The following DNAH9 variants were observed in gnomAD, a reference collection of about 807,000 sequenced individuals.
DNAH9 encodes the protein dynein axonemal heavy chain 9.
A neutral mutation model predicts 471.6 loss-of-function variants in DNAH9; 345 were observed. The ratio of observed to expected loss-of-function variants is 0.73; its 90% CI spans 0.67 to 0.80. DNAH9 has a LOEUF of 0.80. Ranked by LOEUF, DNAH9 falls within the 30% of genes least tolerant of loss-of-function variation. The probability of loss-of-function intolerance (pLI) is 0.00; values close to 1 mark genes in which losing one functional copy is unlikely to be tolerated. For synonymous variants in DNAH9, 2,093 were observed against 2,123.6 expected (o/e 0.99, Z 0.40); for missense variants, 5,407 against 5,609.2 (o/e 0.96, Z 1.15).
At chr17:11,938,319 T>C (rs8076611) in intron 66 of DNAH9, among the ~76,000 whole-genome samples, 72,823 of 151,352 alleles carry the variant, frequency 0.48, 17,704 homozygotes, top group Middle Eastern at 0.57. Context: ...ATTAGCCGGG[T>C]GTGGTGGTGG....
intron 26 of DNAH9, among the ~76,000 whole-genome samples, chr17:11,708,930 G>A (rs1391252275): frequency 6.6e-6 from 1 of 152,114 alleles, no homozygotes; most frequent in African/African-American, 2.4e-5. Context: ...AATACTCCTT[G>A]AGTGAATGCA....
At chr17:11,709,677 C>T (rs1482095338) in intron 26 of DNAH9, among the ~76,000 whole-genome samples, 2 of 152,172 alleles carry the variant, frequency 1.3e-5, no homozygotes, top group Non-Finnish European at 2.9e-5. Flanking sequence ...TTCGGCACCA[C>T]ACTAAGTTGA....
At chr17:11,635,110 G>C (rs1567679448) in intron 8 of DNAH9, among the ~76,000 whole-genome samples, 2 of 151,956 alleles carry the variant, frequency 1.3e-5, no homozygotes, top group Non-Finnish European at 2.9e-5. Context: ...AAATATTTTA[G>C]ACTATGGGTA....
At chr17:11,819,249 T>C (rs754818456) in intron 45 of DNAH9, among the ~76,000 whole-genome samples, 37 of 152,194 alleles carry the variant, frequency 2.4e-4, no homozygotes, top group Non-Finnish European at 4.1e-4. Flanking sequence ...TATTTAGAAA[T>C]ATTGAGTTCA....
chr17:11,785,608 C>T (rs988831042), intron 41 of DNAH9, among the ~76,000 whole-genome samples: 3 of 152,108 alleles, frequency 2.0e-5, no homozygotes, highest in African/African-American at 7.2e-5. Context: ...AATCAATGAG[C>T]CCCTCAGAAT....
At position 11,653,156 on chromosome 17, in the gene DNAH9, G is replaced by A. The variant is rs3744576; in HGVS notation, c.2595+154G>A. ...AGGCTGATAGCAAAAGACTAAAGCT[G>A]ATAGACTGGGCAAATGAAAAGTTGC... is the stretch of plus-strand genomic sequence containing the variant. On this transcript the variant is annotated intron_variant, in intron 14 of 68. Transcript: ENST00000262442. Among the ~76,000 whole-genome samples the A allele has an allele frequency of 0.34, 51,125 of 152,132 alleles. 8,836 individuals are homozygous for A. The highest frequency in any genetic ancestry group is 0.43 in the Middle Eastern group (125 of 294).
At chr17:11,779,965 C>A (rs896520267) in intron 38 of DNAH9, among the ~76,000 whole-genome samples, 1 of 152,164 alleles carries the variant, frequency 6.6e-6, no homozygotes, top group South Asian at 2.1e-4. Flanking sequence ...TGTTTACAAA[C>A]TTGTTTTTCA....
chr17:11,644,573 G>A lies in DNAH9; in HGVS notation c.1902-58G>A. On this transcript the variant is annotated intron_variant, in intron 10 of 68. Transcript: ENST00000262442. The stretch of plus-strand genomic sequence containing the variant: ...CTTTGGAGACTGCAGTTTGTTCCTC[G>A]GATTATTACTTTAACTTCTTCTAAT... 11 of 1,301,966 alleles carry A rather than the reference G, an allele frequency of 8.4e-6. 1 individual carries two copies. The South Asian group carries it at 1.2e-4, about 15-fold the overall frequency. 80.7% of individuals were successfully genotyped at this position (1,301,966 alleles called of 1,614,324 possible). A position where few individuals can be genotyped will look rare whatever the true frequency, so the allele number is the denominator to read the frequency against.
intron 1 of DNAH9, among the ~76,000 whole-genome samples, chr17:11,604,474 C>T (rs1208689181): frequency 6.6e-6 from 1 of 152,106 alleles, no homozygotes; most frequent in Non-Finnish European, 1.5e-5. Flanking sequence ...TTGTTATCTC[C>T]AGCCCTCTCT....
chr17:11,916,275 G>A (rs1973954300), intron 61 of DNAH9, among the ~76,000 whole-genome samples: 2 of 152,118 alleles, frequency 1.3e-5, no homozygotes, highest in South Asian at 2.1e-4. Context: ...ACCCCTCCCT[G>A]ATCTATATGG....
At chr17:11,610,956 C>G (rs1234698271) in intron 3 of DNAH9, among the ~76,000 whole-genome samples, 1 of 152,156 alleles carries the variant, frequency 6.6e-6, no homozygotes, top group Non-Finnish European at 1.5e-5. Context: ...GGGGAGTTGG[C>G]TGCAGAACAG....
chr17:11,872,319 CGTGTGGCTAGGTGGAT>C (rs1354631024), intron 52 of DNAH9, among the ~76,000 whole-genome samples: 3 of 151,870 alleles, frequency 2.0e-5, no homozygotes, highest in African/African-American at 7.3e-5. Flanking sequence ...TTGTCCTCCT[CGTGTGGCTAGGTGGAT>C]GTTACTCCCA....
chr17:11,953,240 T>A (rs184904051), intron 67 of DNAH9, among the ~76,000 whole-genome samples: 6 of 151,968 alleles, frequency 3.9e-5, no homozygotes, highest in Non-Finnish European at 8.8e-5. Context: ...CACAGAGAAG[T>A]TGCTGCATTA....
chr17:11,958,019 G>A lies in DNAH9; in HGVS notation c.12844-3848G>A, dbSNP rs535657995. Among the ~76,000 whole-genome samples the A allele has an allele frequency of 2.0e-5, 3 of 152,304 alleles. No homozygotes were observed. In the East Asian group the frequency reaches 5.8e-4, roughly 29 times the overall value. ...GCCAAAACTTGGAAGAAACCAAGAT[G>A]TACTTCAGTAGGTAAATGGATAAAC... is the stretch of plus-strand genomic sequence containing the variant. On this transcript the variant is annotated intron_variant, in intron 67 of 68. Coordinates refer to ENST00000262442, the MANE Select transcript of DNAH9 (RefSeq NM_001372.4).
At chr17:11,643,398 T>C (rs370350983) in intron 10 of DNAH9, among the ~76,000 whole-genome samples, 114 of 152,300 alleles carry the variant, frequency 7.5e-4, no homozygotes, top group African/African-American at 2.4e-3. Flanking sequence ...TCGCGTGTTC[T>C]AGATGGATTT....
At chr17:11,724,846 TTGTAATATACAA>T in intron 27 of DNAH9, among the ~76,000 whole-genome samples, 1 of 152,194 alleles carries the variant, frequency 6.6e-6, no homozygotes, top group Admixed American at 6.5e-5. Flanking sequence ...TATTATTACA[TTGTAATATACAA>T]TGAAATAATT....
chr17:11,895,611 T>G (rs1973195185), intron 59 of DNAH9, among the ~76,000 whole-genome samples: 1 of 152,172 alleles, frequency 6.6e-6, no homozygotes, highest in Admixed American at 6.5e-5. Flanking sequence ...TCTGGGAAAT[T>G]GTCATTGATA....
intron 26 of DNAH9, among the ~76,000 whole-genome samples, chr17:11,716,230 C>T (rs751246837): frequency 2.6e-5 from 4 of 151,948 alleles, no homozygotes; most frequent in Non-Finnish European, 5.9e-5. Context: ...ATTACAGGTG[C>T]GTGCCACCAT....
At chr17:11,856,641 G>T (rs1971636820) in intron 50 of DNAH9, among the ~76,000 whole-genome samples, 1 of 151,858 alleles carries the variant, frequency 6.6e-6, no homozygotes, top group Non-Finnish European at 1.5e-5. Context: ...GGGAGGCAGA[G>T]CTTGCAGTAA....
Sources: gnomAD v4.1 joint callset for allele counts (sites outside exome capture counted in the v4.1 genomes callset) on GRCh38, gnomAD v4.1.1 for gene constraint, MANE v1.5 for transcripts, NCBI Gene and HGNC (gene_info 2026-07-23, HGNC 2026-07-21) for gene names.